Variants in MAP3K5 observed in about 807,000 individuals in gnomAD.
MAP3K5 encodes the protein mitogen-activated protein kinase kinase kinase 5, also known as ASK-1.
MAP3K5 carries 56 observed loss-of-function variants against 158.7 expected under a neutral mutation model. That is an observed-to-expected ratio of 0.35 (90% CI 0.28 to 0.44). The LOEUF is 0.44. Ranked by LOEUF, MAP3K5 falls within the 20% of genes least tolerant of loss-of-function variation. The probability of loss-of-function intolerance (pLI) is 1.00; values close to 1 mark genes in which losing one functional copy is unlikely to be tolerated. For missense variants in MAP3K5, 1,294 were observed against 1,674.8 expected, an observed-to-expected ratio of 0.77 and a Z score of 3.97; for synonymous variants, 579 against 601.7, an observed-to-expected ratio of 0.96 and a Z score of 0.55.
rs181002842 is a variant in MAP3K5, at chr6:136,790,748, T to C, written c.448+962A>G. 1.5e-3 allele frequency among the ~76,000 whole-genome samples: 233 copies of C among 152,368 alleles called. 2 individuals are homozygous for C. Among genetic ancestry groups the C allele is most frequent in the African/African-American group, 5.4e-3 (223 of 41,588 alleles). ...TTTTGAAACTACTAAACCAAGTTTT[T>C]ACCCACAAATGTAAACATAAATATG... On this transcript the variant is annotated intron_variant, in intron 1 of 29. Transcript: ENST00000359015.
chr6:136,598,689 T>C (rs973335048), intron 21 of MAP3K5, among the ~76,000 whole-genome samples: 2 of 152,108 alleles, frequency 1.3e-5, no homozygotes, highest in Non-Finnish European at 2.9e-5. Flanking sequence ...CAAGTGCAGT[T>C]ATGGGAGGTA....
Position 136,634,816 on chromosome 6 carries a change from C to T in MAP3K5, c.2016+2509G>A, listed in dbSNP as rs943214587. 2.0e-5 allele frequency among the ~76,000 whole-genome samples: 3 copies of T among 152,112 alleles called. No homozygotes were observed. In the South Asian group the frequency reaches 6.2e-4, roughly 32 times the overall value. On this transcript the variant is annotated intron_variant, in intron 14 of 29. Transcript: ENST00000359015. ...TCCTGGCCTCAAGTGATCCACTCAC[C>T]TCAGCATCCCAATGTGCTGGGATTA...
At chr6:136,691,927 T>C (rs1780405057) in intron 7 of MAP3K5, among the ~76,000 whole-genome samples, 1 of 152,188 alleles carries the variant, frequency 6.6e-6, no homozygotes, top group Non-Finnish European at 1.5e-5. Flanking sequence ...ATTATCATTG[T>C]TATTTTTATG....
chr6:136,685,250 C>T (rs758583419), intron 7 of MAP3K5, among the ~76,000 whole-genome samples: 5 of 152,082 alleles, frequency 3.3e-5, no homozygotes, highest in Non-Finnish European at 5.9e-5. Context: ...CCCAGGAGTT[C>T]AAGGCTGCAG....
At chr6:136,749,167 G>T (rs1343529158) in intron 1 of MAP3K5, among the ~76,000 whole-genome samples, 1 of 152,160 alleles carries the variant, frequency 6.6e-6, no homozygotes. Context: ...GAGGTCAGGA[G>T]TTCGAGACCA....
intron 8 of MAP3K5, among the ~76,000 whole-genome samples, chr6:136,666,840 A>G (rs1283990977): frequency 5.9e-5 from 9 of 152,208 alleles, no homozygotes; most frequent in Non-Finnish European, 1.0e-4. Flanking sequence ...AGTTCTCATG[A>G]TAGCTAAAAA....
intron 7 of MAP3K5, among the ~76,000 whole-genome samples, chr6:136,690,066 G>A (rs1246415826): frequency 9.2e-5 from 14 of 151,830 alleles, no homozygotes; most frequent in Non-Finnish European, 1.9e-4. Context: ...GCAACACCCC[G>A]ATATACTTCC....
intron 2 of MAP3K5, among the ~76,000 whole-genome samples, chr6:136,711,296 C>T (rs972845669): frequency 6.6e-6 from 1 of 152,086 alleles, no homozygotes; most frequent in African/African-American, 2.4e-5. Context: ...GAATATAGGG[C>T]TTATCCTTGC....
At position 136,792,209 on chromosome 6, in the gene MAP3K5, C is replaced by T. The variant is rs1237166472; in HGVS notation, c.-52G>A. 3 of 1,514,382 alleles carry T rather than the reference C, an allele frequency of 2.0e-6. No homozygotes were observed. 93.8% of individuals were successfully genotyped at this position (1,514,382 alleles called of 1,614,324 possible). A position where few individuals can be genotyped will look rare whatever the true frequency, so the allele number is the denominator to read the frequency against. ...CGGCGTCCCCCGCCCAGCCGCACCGCCTGGCCAGCCACAGCTCGGGGCTGC... is the reference window on the plus strand; with the variant it reads ...CGGCGTCCCCCGCCCAGCCGCACCGTCTGGCCAGCCACAGCTCGGGGCTGC... On this transcript the variant is annotated 5_prime_UTR_variant, in exon 1 of 30. Transcript: ENST00000359015. The surrounding 1 kb of genome is among the most constrained non-coding windows in gnomAD (Gnocchi z 5.7).
At chr6:136,732,837 A>T (rs1015392380) in intron 1 of MAP3K5, among the ~76,000 whole-genome samples, 1 of 152,204 alleles carries the variant, frequency 6.6e-6, no homozygotes, top group African/African-American at 2.4e-5. Context: ...ATAGAGGTAA[A>T]GGAAAATATG....
intron 25 of MAP3K5, among the ~76,000 whole-genome samples, chr6:136,577,647 C>T (rs1774678359): frequency 6.6e-6 from 1 of 152,196 alleles, no homozygotes; most frequent in Non-Finnish European, 1.5e-5. Context: ...TCTCCCTAAA[C>T]CTAACAGAGT....
At chr6:136,696,188 T>G (rs1780593774) in intron 5 of MAP3K5, 131 bp from the exon 6 acceptor site, 1 of 570,926 alleles carries the variant, frequency 1.8e-6, no homozygotes, top group Non-Finnish European at 3.1e-6. Context: ...CACAGAACAC[T>G]TTGAAGAACC....
At chr6:136,786,199 A>G (rs1157145261) in intron 1 of MAP3K5, among the ~76,000 whole-genome samples, 1 of 151,976 alleles carries the variant, frequency 6.6e-6, no homozygotes, top group Non-Finnish European at 1.5e-5. Flanking sequence ...AACAAGATGA[A>G]ACCCTGTCTC....
chr6:136,744,641 C>G (rs560773000), intron 1 of MAP3K5, among the ~76,000 whole-genome samples: 1 of 152,030 alleles, frequency 6.6e-6, no homozygotes, highest in East Asian at 1.9e-4. Context: ...ACCTTGCACA[C>G]CCCTCACCAG....
At chr6:136,696,806 C>G (rs777838932) in intron 5 of MAP3K5, among the ~76,000 whole-genome samples, 2 of 152,098 alleles carry the variant, frequency 1.3e-5, no homozygotes, top group Non-Finnish European at 2.9e-5. Flanking sequence ...GAGTTAGATT[C>G]AGCACTATCA....
intron 1 of MAP3K5, among the ~76,000 whole-genome samples, chr6:136,772,836 A>G (rs1358829541): frequency 6.6e-6 from 1 of 152,214 alleles, no homozygotes; most frequent in Non-Finnish European, 1.5e-5. Context: ...TCCAGTTCCT[A>G]TTCTTGAGCT....
intron 21 of MAP3K5, chr6:136,593,714 C>CAAA (rs760563651): frequency 8.9e-4 from 215 of 242,864 alleles, no homozygotes; most frequent in South Asian, 1.4e-3. Flanking sequence ...GACAGATATG[C>CAAA]AAAAAAAAAA....
chr6:136,680,397 G>A (rs765692393), intron 7 of MAP3K5, among the ~76,000 whole-genome samples: 8 of 152,096 alleles, frequency 5.3e-5, no homozygotes, highest in Non-Finnish European at 8.8e-5. Context: ...CTTTGGAAAC[G>A]TGATCCTTTG....
At chr6:136,748,217 T>C (rs1019171950) in intron 1 of MAP3K5, among the ~76,000 whole-genome samples, 1 of 152,210 alleles carries the variant, frequency 6.6e-6, no homozygotes, top group African/African-American at 2.4e-5. Flanking sequence ...GTGTGGATTA[T>C]CTTGGTTGAC....
Sources: gnomAD v4.1 joint callset for allele counts (sites outside exome capture counted in the v4.1 genomes callset) on GRCh38, gnomAD v4.1.1 for gene constraint, Gnocchi (gnomAD v3.1) non-coding constraint, MANE v1.5 for transcripts, NCBI Gene and HGNC (gene_info 2026-07-23, HGNC 2026-07-21) for gene names.